Variants in SNTG1 observed in about 807,000 individuals in gnomAD.
The protein encoded by SNTG1 is gamma-1-syntrophin.
In SNTG1, 39 loss-of-function variants were observed where a neutral mutation model predicts 74.7. The observed-to-expected ratio is 0.52, with a 90% CI of 0.40 to 0.68. The LOEUF (loss-of-function observed/expected upper bound fraction) is 0.68. SNTG1 is among the 30% of genes least tolerant of loss of function. SNTG1 has a pLI of 0.00. For synonymous variants in SNTG1, 254 were observed against 217.1 expected (o/e 1.17, Z -1.49); for missense variants, 685 against 609.5 (o/e 1.12, Z -1.30).
intron 8 of SNTG1, among the ~76,000 whole-genome samples, chr8:50,478,207 GA>G (rs1473641477): frequency 3.9e-5 from 6 of 152,098 alleles, no homozygotes; most frequent in Admixed American, 2.0e-4. Context: ...TTTGTATACA[GA>G]AAACCATGAG....
At chr8:50,243,624 C>T (rs1419605485) in intron 2 of SNTG1, among the ~76,000 whole-genome samples, 1 of 152,048 alleles carries the variant, frequency 6.6e-6, no homozygotes, top group Non-Finnish European at 1.5e-5. Context: ...CTTTTTGGGC[C>T]TACTGTAAGA....
intron 8 of SNTG1, among the ~76,000 whole-genome samples, chr8:50,471,040 A>G (rs181687334): frequency 3.2e-4 from 49 of 152,128 alleles, no homozygotes; most frequent in African/African-American, 1.2e-3. Flanking sequence ...CAGAGTGCTG[A>G]TTGATGCATT....
chr8:50,184,933 T>C lies in SNTG1; in HGVS notation c.-28+12298T>C, dbSNP rs143124877. 3.2e-3 allele frequency among the ~76,000 whole-genome samples: 495 copies of C among 152,334 alleles called. 4 individuals carry two copies. The East Asian group carries it at 0.046, about 14-fold the overall frequency. Reference sequence around the variant, plus strand: ...GAAGATTCTCAATATTTTTATAATATAAAATTATGATTGTTCTTTTTTAAC... The same window carrying C: ...GAAGATTCTCAATATTTTTATAATACAAAATTATGATTGTTCTTTTTTAAC... On this transcript the variant is annotated intron_variant, in intron 2 of 18. Transcript: ENST00000642720.
intron 1 of SNTG1, among the ~76,000 whole-genome samples, chr8:49,978,809 G>C (rs1453030637): frequency 2.0e-5 from 3 of 152,106 alleles, no homozygotes; most frequent in African/African-American, 7.2e-5. Context: ...GTTCATTTTA[G>C]AAATGAGGAA....
chr8:50,519,436 A>G (rs909065845), intron 9 of SNTG1, among the ~76,000 whole-genome samples: 4 of 152,146 alleles, frequency 2.6e-5, no homozygotes, highest in Non-Finnish European at 5.9e-5. Context: ...TCAACATAGT[A>G]TTGGAAGTTC....
At chr8:50,738,305 C>T (rs536094116) in intron 17 of SNTG1, among the ~76,000 whole-genome samples, 1 of 152,142 alleles carries the variant, frequency 6.6e-6, no homozygotes, top group East Asian at 1.9e-4. Context: ...AAATTTTATT[C>T]ACAATTGCTA....
intron 11 of SNTG1, among the ~76,000 whole-genome samples, chr8:50,544,737 T>C (rs2094373917): frequency 6.6e-6 from 1 of 152,052 alleles, no homozygotes; most frequent in Non-Finnish European, 1.5e-5. Flanking sequence ...ATGGATTTCA[T>C]AGAGATTCAC....
intron 2 of SNTG1, among the ~76,000 whole-genome samples, chr8:50,335,188 C>A (rs1477923723): frequency 6.6e-6 from 1 of 152,136 alleles, no homozygotes; most frequent in Non-Finnish European, 1.5e-5. Flanking sequence ...TCTATTCCTT[C>A]TGGTTTCATG....
At chr8:50,641,900 A>G (rs1342834372) in intron 13 of SNTG1, among the ~76,000 whole-genome samples, 1 of 152,202 alleles carries the variant, frequency 6.6e-6, no homozygotes, top group East Asian at 1.9e-4. Context: ...CACAGTTTCA[A>G]GACTTTAAAT....
intron 15 of SNTG1, among the ~76,000 whole-genome samples, chr8:50,690,099 C>T (rs1283547566): frequency 1.3e-5 from 2 of 152,064 alleles, no homozygotes; most frequent in African/African-American, 4.8e-5. Flanking sequence ...GTGATATCCC[C>T]TTTATCATTT....
intron 2 of SNTG1, among the ~76,000 whole-genome samples, chr8:50,378,723 C>A (rs557101729): frequency 6.6e-6 from 1 of 152,028 alleles, no homozygotes; most frequent in East Asian, 2.0e-4. Context: ...GAGGGTAGCT[C>A]CTCTCTGCAG....
At chr8:50,041,957 C>T (rs1338509968) in intron 1 of SNTG1, among the ~76,000 whole-genome samples, 1 of 152,174 alleles carries the variant, frequency 6.6e-6, no homozygotes, top group East Asian at 1.9e-4. Context: ...TCTATCTTGT[C>T]TTATATAGAT....
intron 15 of SNTG1, among the ~76,000 whole-genome samples, chr8:50,681,531 C>T (rs927536391): frequency 6.6e-6 from 1 of 152,074 alleles, no homozygotes; most frequent in African/African-American, 2.4e-5. Context: ...AATACATAAC[C>T]TGTTTACTAT....
At chr8:50,289,274 A>G (rs1183592152) in intron 2 of SNTG1, among the ~76,000 whole-genome samples, 1 of 152,156 alleles carries the variant, frequency 6.6e-6, no homozygotes, top group Non-Finnish European at 1.5e-5. Context: ...TCACTAGATA[A>G]TTTATCAAGT....
intron 13 of SNTG1, among the ~76,000 whole-genome samples, chr8:50,619,064 A>G (rs2094903617): frequency 6.6e-6 from 1 of 152,118 alleles, no homozygotes. Context: ...TTTTTATAAA[A>G]CAATGTTTTG....
intron 9 of SNTG1, among the ~76,000 whole-genome samples, chr8:50,513,498 T>C (rs1320699194): frequency 1.3e-5 from 2 of 152,246 alleles, no homozygotes. Context: ...TGTTTGGCTA[T>C]GCCCTGCCCC....
chr8:50,401,860 A>C (rs978295502), intron 3 of SNTG1, among the ~76,000 whole-genome samples: 1 of 152,190 alleles, frequency 6.6e-6, no homozygotes, highest in African/African-American at 2.4e-5. Context: ...ATTGTATGGA[A>C]TTTGAATTAT....
At chr8:50,054,054 C>G (rs1219061690) in intron 1 of SNTG1, among the ~76,000 whole-genome samples, 1 of 151,960 alleles carries the variant, frequency 6.6e-6, no homozygotes, top group Admixed American at 6.6e-5. Context: ...GGCTTTGATC[C>G]TCTTACTTAC....
intron 8 of SNTG1, among the ~76,000 whole-genome samples, chr8:50,485,531 T>G (rs2093784307): frequency 1.3e-5 from 2 of 151,970 alleles, no homozygotes; most frequent in South Asian, 4.1e-4. Context: ...GTTTTTTTCT[T>G]GTAAATTTGT....
Sources: allele counts gnomAD v4.1 joint callset (sites outside exome capture counted in the v4.1 genomes callset), GRCh38; gene constraint gnomAD v4.1.1; transcripts MANE v1.5; gene names NCBI Gene and HGNC (gene_info 2026-07-23, HGNC 2026-07-21).